Variants in PLCG2 observed in about 807,000 individuals in gnomAD.
The protein encoded by PLCG2 is phospholipase C gamma 2.
Under a neutral mutation model 175.6 loss-of-function variants are expected in PLCG2, and 69 were observed. The ratio of observed to expected loss-of-function variants is 0.39; its 90% CI spans 0.32 to 0.48. The LOEUF (loss-of-function observed/expected upper bound fraction) is 0.48. Among genes scored for constraint, PLCG2 ranks in the 20% least tolerant of loss-of-function variants. The probability of loss-of-function intolerance (pLI) is 0.91; values close to 1 mark genes in which losing one functional copy is unlikely to be tolerated. For missense variants in PLCG2, 1,798 were observed against 1,650.9 expected (o/e 1.09, Z -1.54); for synonymous variants, 827 against 624.0 (o/e 1.33, Z -4.85).
intron 2 of PLCG2, among the ~76,000 whole-genome samples, chr16:81,830,569 A>C (rs554403762): frequency 6.6e-6 from 1 of 151,918 alleles, no homozygotes; most frequent in Admixed American, 6.6e-5. Context: ...CAGCCTCCCA[A>C]AGTGCTGGGA....
Position 81,803,506 on chromosome 16 carries a change from A to G in PLCG2, c.193+17324A>G, listed in dbSNP as rs56151509. On this transcript the variant is annotated intron_variant, in intron 2 of 32. Transcript: ENST00000564138. ...TTCTCTCTTTTTGGTTACTGTTTTC[A>G]TTTTCTTTGTTCTTTCTTTCCTTTC... 5.9e-3 allele frequency among the ~76,000 whole-genome samples: 838 copies of G among 140,910 alleles called. 9 individuals are homozygous for G. The highest frequency in any genetic ancestry group is 0.018 in the Middle Eastern group (5 of 272). 92.4% of individuals were successfully genotyped at this position (140,910 alleles called of 152,430 possible).
In PLCG2 at chr16:81,962,118, T is replaced by C. The variant is rs1247887516; in HGVS notation, c.*4120T>C. ...GAGGACCGGTCTTCGGTCAAGGGTATACGAGTAGCTGCGCTCCCCTGCTGG... is the reference window on the plus strand; with the variant it reads ...GAGGACCGGTCTTCGGTCAAGGGTACACGAGTAGCTGCGCTCCCCTGCTGG... On this transcript the variant is annotated 3_prime_UTR_variant, in exon 33 of 33. Coordinates refer to ENST00000564138, the MANE Select transcript of PLCG2 (RefSeq NM_002661.5). 1.1e-5 allele frequency: 2 copies of C among 185,344 alleles called. No individual in the cohort carries two copies. Among genetic ancestry groups the C allele is most frequent in the South Asian group, 2.0e-4 (1 of 5,098 alleles). 11.5% of individuals were successfully genotyped at this position (185,344 alleles called of 1,614,324 possible).
chr16:81,921,040 T>C (rs538830448), intron 20 of PLCG2, among the ~76,000 whole-genome samples, 158 bp from the exon 21 acceptor site: 2 of 152,334 alleles, frequency 1.3e-5, no homozygotes, highest in Admixed American at 1.3e-4. Flanking sequence ...TTATAGCTTC[T>C]TCCTGTGTCT....
intron 5 of PLCG2, among the ~76,000 whole-genome samples, chr16:81,862,331 C>T (rs56397554): frequency 0.15 from 22,564 of 152,224 alleles, 1,965 homozygotes; most frequent in Non-Finnish European, 0.21. Context: ...ATGGTAGCAG[C>T]GGGCATTTGT....
intron 21 of PLCG2, among the ~76,000 whole-genome samples, chr16:81,922,524 C>T (rs981655640): frequency 6.6e-6 from 1 of 152,250 alleles, no homozygotes; most frequent in Non-Finnish European, 1.5e-5. Context: ...GTAGTCTTAA[C>T]AACCCTGTGA....
intron 14 of PLCG2, among the ~76,000 whole-genome samples, chr16:81,903,762 G>T (rs1440376072): frequency 2.0e-5 from 3 of 152,138 alleles, no homozygotes; most frequent in African/African-American, 7.2e-5. Context: ...CATTCCTTCT[G>T]TTTCCATTAG....
intron 2 of PLCG2, among the ~76,000 whole-genome samples, chr16:81,812,336 A>G (rs1480389802): frequency 1.3e-5 from 2 of 152,080 alleles, no homozygotes; most frequent in African/African-American, 4.8e-5. Context: ...GGCGTGAGCC[A>G]CCGCACCCGG....
At chr16:81,932,437 G>A (rs1317084537) in intron 25 of PLCG2, among the ~76,000 whole-genome samples, 1 of 152,182 alleles carries the variant, frequency 6.6e-6, no homozygotes, top group African/African-American at 2.4e-5. Flanking sequence ...TGTTCTTGTG[G>A]CTGCCGAACT....
intron 2 of PLCG2, among the ~76,000 whole-genome samples, chr16:81,762,884 C>T (rs935617506): frequency 5.3e-5 from 8 of 152,104 alleles, no homozygotes; most frequent in Admixed American, 4.6e-4. Flanking sequence ...ATAGTGAAAC[C>T]TCACCTCTAC....
intron 2 of PLCG2, among the ~76,000 whole-genome samples, chr16:81,811,765 A>G (rs998552990): frequency 7.9e-5 from 12 of 152,124 alleles, no homozygotes; most frequent in South Asian, 2.1e-4. Flanking sequence ...TATCCAGTCT[A>G]TCATCGATGG....
chr16:81,780,750 G>C (rs2143149688), intron 1 of PLCG2, among the ~76,000 whole-genome samples: 1 of 152,324 alleles, frequency 6.6e-6, no homozygotes, highest in East Asian at 1.9e-4. Context: ...TTCTTGGTCA[G>C]GCACGGTGGC....
At chr16:81,753,477 A>G (rs1193794837) in intron 1 of PLCG2, among the ~76,000 whole-genome samples, 1 of 146,856 alleles carries the variant, frequency 6.8e-6, no homozygotes, top group Non-Finnish European at 1.5e-5. Context: ...GGAGTGCAGT[A>G]GTTGTATCTT....
Position 81,921,394 on chromosome 16 carries a change from T to G in PLCG2, c.2307+125T>G, listed in dbSNP as rs201371631. 730 of 699,856 alleles carry G rather than the reference T, an allele frequency of 1.0e-3. 3 individuals carry two copies. In the African/African-American group the frequency reaches 0.011, roughly 10 times the overall value. 43.4% of individuals were successfully genotyped at this position (699,856 alleles called of 1,614,324 possible). On this transcript the variant is annotated intron_variant, in intron 21 of 32. Transcript: ENST00000564138. Reference sequence around the variant, plus strand: ...TTTGGAAAACCTGGCCAAAATAATTTTTTTTTTTTTTTGAGAAGAAAGGAT... The same window carrying G: ...TTTGGAAAACCTGGCCAAAATAATTGTTTTTTTTTTTTGAGAAGAAAGGAT...
At chr16:81,926,954 C>T in intron 22 of PLCG2, 128 bp from the exon 23 acceptor site, 1 of 683,148 alleles carries the variant, frequency 1.5e-6, no homozygotes. Context: ...CAGATAGTGA[C>T]ACTGGTCACT....
intron 1 of PLCG2, among the ~76,000 whole-genome samples, chr16:81,779,883 G>A (rs1276067486): frequency 6.6e-6 from 1 of 152,240 alleles, no homozygotes; most frequent in African/African-American, 2.4e-5. Flanking sequence ...CGATACCGCG[G>A]GAGGCGCAGT....
At chr16:81,778,032 C>CAACAAAAAAAAACAAAACAAACAAACAA (rs1910498846), upstream of PLCG2, among the ~76,000 whole-genome samples, 1 of 58,710 alleles carries the variant, frequency 1.7e-5, no homozygotes, top group Non-Finnish European at 2.9e-5. Flanking sequence ...AAAAAAAAAA[C>CAACAAAAAAAAACAAAACAAACAAACAA]AAAAAAAAAA....
At chr16:81,869,034 C>G (rs1907383275) in intron 5 of PLCG2, among the ~76,000 whole-genome samples, 180 bp from the exon 6 acceptor site, 5 of 152,250 alleles carry the variant, frequency 3.3e-5, no homozygotes, top group Admixed American at 3.3e-4. Flanking sequence ...TTGAGCCTTG[C>G]TCATTGAAGT....
At chr16:81,772,477 A>G (rs1051176634) in intron 2 of PLCG2, among the ~76,000 whole-genome samples, 1 of 152,058 alleles carries the variant, frequency 6.6e-6, no homozygotes, top group African/African-American at 2.4e-5. Context: ...AAGGTAAGAC[A>G]CGGGGCCTGG....
intron 22 of PLCG2, among the ~76,000 whole-genome samples, chr16:81,924,708 T>G (rs1283803648): frequency 6.6e-6 from 1 of 152,226 alleles, no homozygotes; most frequent in African/African-American, 2.4e-5. Context: ...CATACCTAGA[T>G]TCCACAGAAT....
Sources: gnomAD v4.1 joint callset for allele counts (sites outside exome capture counted in the v4.1 genomes callset) on GRCh38, gnomAD v4.1.1 for gene constraint, MANE v1.5 for transcripts, NCBI Gene and HGNC (gene_info 2026-07-23, HGNC 2026-07-21) for gene names.